Variants in RTTN observed in about 807,000 individuals in gnomAD.
RTTN encodes the protein rotatin.
In RTTN, 182 loss-of-function variants were observed where a neutral mutation model predicts 269.2. The ratio of observed to expected loss-of-function variants is 0.68; its 90% CI spans 0.60 to 0.76. The LOEUF (loss-of-function observed/expected upper bound fraction) is 0.76, where lower values mean the gene tolerates loss of function less well. RTTN is among the 30% of genes least tolerant of loss of function. The pLI is 0.00. For synonymous variants in RTTN, 1,006 were observed against 963.5 expected (o/e 1.04, Z -0.82); for missense variants, 2,545 against 2,608.6 (o/e 0.98, Z 0.53).
chr18:70,144,893 G>T (rs1165899819), intron 18 of RTTN, among the ~76,000 whole-genome samples: 1 of 152,198 alleles, frequency 6.6e-6, no homozygotes, highest in East Asian at 1.9e-4. Flanking sequence ...AGTGAAATGA[G>T]AAAGTACAAA....
chr18:70,181,085 T>A (rs1467546554), intron 10 of RTTN, among the ~76,000 whole-genome samples: 1 of 152,236 alleles, frequency 6.6e-6, no homozygotes, highest in Non-Finnish European at 1.5e-5. Flanking sequence ...GAGCCCTTAC[T>A]GGATACAAAG....
chr18:70,046,088 C>T (rs1246017612), intron 40 of RTTN, among the ~76,000 whole-genome samples: 2 of 152,060 alleles, frequency 1.3e-5, no homozygotes, highest in Non-Finnish European at 2.9e-5. Context: ...CTATTATAAA[C>T]TGATTCATTA....
intron 10 of RTTN, among the ~76,000 whole-genome samples, chr18:70,177,975 T>C (rs146640760): frequency 6.6e-6 from 1 of 152,314 alleles, no homozygotes; most frequent in East Asian, 1.9e-4. Context: ...AAAAGAGATG[T>C]ATACACACCC....
intron 43 of RTTN, among the ~76,000 whole-genome samples, chr18:70,025,490 T>C (rs1411797166): frequency 2.0e-5 from 3 of 152,200 alleles, no homozygotes; most frequent in East Asian, 1.9e-4. Context: ...TGTAGACCCA[T>C]GATTATGCAC....
intron 10 of RTTN, among the ~76,000 whole-genome samples, chr18:70,178,750 T>C (rs1398809058): frequency 6.6e-6 from 1 of 152,022 alleles, no homozygotes. Context: ...AAAAGTTCAA[T>C]GAGTAGTAGA....
At position 70,109,278 on chromosome 18, in the gene RTTN, A is replaced by G. The variant is rs768138; in HGVS notation, c.3903+220T>C. Among the ~76,000 whole-genome samples, 3,071 of 152,306 alleles carry G rather than the reference A, an allele frequency of 0.02. 105 individuals carry two copies. Among genetic ancestry groups the G allele is most frequent in the African/African-American group, 0.068 (2,836 of 41,566 alleles). On this transcript the variant is annotated intron_variant, in intron 28 of 48. Transcript: ENST00000640769. ...CTAGCGAACACTTCCTTTGAGCATC[A>G]AAAGTTTCCATTTATTTCTTTTGAA...
intron 26 of RTTN, among the ~76,000 whole-genome samples, chr18:70,119,508 G>C (rs1340323931): frequency 1.3e-5 from 2 of 151,890 alleles, no homozygotes; most frequent in East Asian, 1.9e-4. Flanking sequence ...GAAAAGAAAG[G>C]ACAGGAAAGA....
chr18:70,090,419 T>C (rs2058813067), intron 30 of RTTN, among the ~76,000 whole-genome samples: 1 of 52,952 alleles, frequency 1.9e-5, no homozygotes, highest in Non-Finnish European at 1.2e-4. Flanking sequence ...TACATAAATG[T>C]GGTCTCTCTC....
At chr18:70,122,728 T>C (rs1008941738) in intron 25 of RTTN, among the ~76,000 whole-genome samples, 8 of 152,152 alleles carry the variant, frequency 5.3e-5, no homozygotes, top group African/African-American at 1.7e-4. Flanking sequence ...TTATTATTTT[T>C]CCTTACTTAA....
chr18:70,092,283 G>T, intron 29 of RTTN, 63 bp from the exon 30 acceptor site: 2 of 1,016,274 alleles, frequency 2.0e-6, no homozygotes, highest in East Asian at 2.5e-5. Flanking sequence ...AATGCAGGAA[G>T]GTTAAAACAA....
intron 32 of RTTN, among the ~76,000 whole-genome samples, chr18:70,085,655 C>T (rs994329908): frequency 2.0e-5 from 3 of 152,076 alleles, no homozygotes; most frequent in Admixed American, 6.6e-5. Context: ...TTGTATCTTC[C>T]AAATTACCTA....
intron 1 of RTTN, 137 bp downstream of exon 1, chr18:70,205,490 CG>C: frequency 1.5e-6 from 2 of 1,346,054 alleles, no homozygotes; most frequent in Non-Finnish European, 2.1e-6. Flanking sequence ...GATGGGTCCC[CG>C]GGGGCTATCC....
chr18:70,087,854 T>C (rs943067235), intron 31 of RTTN, 135 bp downstream of exon 31: 8 of 826,538 alleles, frequency 9.7e-6, no homozygotes, highest in Non-Finnish European at 1.3e-5. Flanking sequence ...TCTACTGTCA[T>C]TTTGTTTGGG....
intron 26 of RTTN, among the ~76,000 whole-genome samples, chr18:70,117,427 G>A (rs2059628575): frequency 6.6e-6 from 1 of 151,838 alleles, no homozygotes; most frequent in Admixed American, 6.6e-5. Flanking sequence ...AATATTTAGG[G>A]AGTAAACCCA....
At position 70,114,436 on chromosome 18, in the gene RTTN, A is replaced by G. The variant is rs2059551967; in HGVS notation, c.3683+9T>C. 6.2e-7 allele frequency: 1 copy of G among 1,609,878 alleles called. No homozygotes were observed. The highest frequency in any genetic ancestry group is 1.7e-5 in the Admixed American group (1 of 59,494). ...AATGCACCTAAACCTGCAATATTACAAATGGTACCTGTCAGTAACTTCCAT... is the reference window on the plus strand; with the variant it reads ...AATGCACCTAAACCTGCAATATTACGAATGGTACCTGTCAGTAACTTCCAT... On this transcript the variant is annotated intron_variant, in intron 27 of 48. Transcript: ENST00000640769.
At chr18:70,055,174 T>A (rs2057781623) in intron 37 of RTTN, among the ~76,000 whole-genome samples, 1 of 152,166 alleles carries the variant, frequency 6.6e-6, no homozygotes, top group Non-Finnish European at 1.5e-5. Context: ...AGAAAAATAA[T>A]CCTCTGAATA....
chr18:70,160,443 C>A (rs1327642151), intron 14 of RTTN, among the ~76,000 whole-genome samples: 1 of 151,820 alleles, frequency 6.6e-6, no homozygotes, highest in African/African-American at 2.4e-5. Context: ...AATGAGTTAT[C>A]CATGACAAAG....
chr18:70,083,179 G>A (rs1356256484), intron 32 of RTTN, among the ~76,000 whole-genome samples: 1 of 152,172 alleles, frequency 6.6e-6, no homozygotes, highest in Non-Finnish European at 1.5e-5. Flanking sequence ...AGTGCTAGAT[G>A]TCAAGGGAAG....
chr18:70,101,385 T>C (rs1312968470), intron 28 of RTTN, among the ~76,000 whole-genome samples: 2 of 152,248 alleles, frequency 1.3e-5, no homozygotes, highest in Non-Finnish European at 2.9e-5. Flanking sequence ...TAGTATTGTC[T>C]GATAGTAGTT....
Sources: gnomAD v4.1 joint callset for allele counts (sites outside exome capture counted in the v4.1 genomes callset) on GRCh38, gnomAD v4.1.1 for gene constraint, MANE v1.5 for transcripts, NCBI Gene and HGNC (gene_info 2026-07-23, HGNC 2026-07-21) for gene names.